DNM3: variants seen among roughly 807,000 people sequenced by gnomAD.
The protein encoded by DNM3 is dynamin 3, also known as dynamin-3.
Under a neutral mutation model 101.6 loss-of-function variants are expected in DNM3, and 47 were observed. That is an observed-to-expected ratio of 0.46 (90% confidence interval 0.37 to 0.59). The LOEUF is 0.59. Among genes scored for constraint, DNM3 ranks in the 20% least tolerant of loss-of-function variants. The pLI, the probability that DNM3 is intolerant of heterozygous loss-of-function variation, is 0.00. For missense variants in DNM3, 849 were observed against 1,085.7 expected, an observed-to-expected ratio of 0.78 and a Z score of 3.06; for synonymous variants, 385 against 387.9, an observed-to-expected ratio of 0.99 and a Z score of 0.09.
intron 14 of DNM3, chr1:172,136,711 A>G (rs907759035): frequency 6.6e-6 from 1 of 152,100 alleles, no homozygotes; most frequent in African/African-American, 2.4e-5. Context: ...ATAAACCATA[A>G]TGGCCAATCC....
intron 15 of DNM3, among the ~76,000 whole-genome samples, chr1:172,280,804 G>C (rs182189702): frequency 6.6e-6 from 1 of 152,254 alleles, no homozygotes; most frequent in East Asian, 1.9e-4. Flanking sequence ...CCAGATTTTA[G>C]AAATACACAC....
At chr1:172,118,549 G>A (rs2056083084) in intron 13 of DNM3, among the ~76,000 whole-genome samples, 1 of 151,780 alleles carries the variant, frequency 6.6e-6, no homozygotes, top group Admixed American at 6.6e-5. Context: ...GTTTTGTTTT[G>A]TTTTTTCTTC....
intron 13 of DNM3, among the ~76,000 whole-genome samples, chr1:172,100,908 G>C (rs2054597235): frequency 1.3e-5 from 2 of 152,166 alleles, no homozygotes; most frequent in African/African-American, 4.8e-5. Context: ...GCAGAAATAA[G>C]AGTCTTTCTC....
At chr1:172,092,547 G>A (rs991940322) in intron 12 of DNM3, among the ~76,000 whole-genome samples, 3 of 152,158 alleles carry the variant, frequency 2.0e-5, no homozygotes, top group African/African-American at 7.2e-5. Context: ...GTGAGACACT[G>A]CAAATATGTC....
At chr1:172,240,634 A>G (rs1460509211) in intron 14 of DNM3, among the ~76,000 whole-genome samples, 1 of 152,142 alleles carries the variant, frequency 6.6e-6, no homozygotes, top group African/African-American at 2.4e-5. Context: ...ATTAATGTGC[A>G]CTCAAAAGCT....
intron 15 of DNM3, among the ~76,000 whole-genome samples, chr1:172,262,261 T>C (rs1180330683): frequency 6.6e-6 from 1 of 152,100 alleles, no homozygotes; most frequent in Non-Finnish European, 1.5e-5. Context: ...AAAGGTGTAG[T>C]TACCCCTCTG....
intron 1 of DNM3, among the ~76,000 whole-genome samples, chr1:171,898,921 G>A (rs543144264): frequency 6.6e-6 from 1 of 152,246 alleles, no homozygotes; most frequent in South Asian, 2.1e-4. Flanking sequence ...TCTACAGGAG[G>A]TTATGCATTT....
Position 172,411,963 on chromosome 1 carries a change from A to C in DNM3, c.*4122A>C, listed in dbSNP as rs1305573020. 2.0e-6 allele frequency: 2 copies of C among 985,674 alleles called. No homozygotes were observed. Among genetic ancestry groups the C allele is most frequent in the Admixed American group, 1.2e-4 (2 of 16,258 alleles). 61.1% of individuals were successfully genotyped at this position (985,674 alleles called of 1,614,324 possible). ...CTCTTACTCATCCTGTCTGGTTGCT[A>C]TGTTTAAAATTATGTGGTGCTGTGT... On this transcript the variant is annotated 3_prime_UTR_variant, in exon 21 of 21. Transcript: ENST00000627582.
chr1:172,243,752 T>G (rs1057097211), intron 14 of DNM3, among the ~76,000 whole-genome samples: 14 of 152,214 alleles, frequency 9.2e-5, no homozygotes, highest in African/African-American at 2.9e-4. Flanking sequence ...TCACAGATGC[T>G]CTTTACTATT....
chr1:172,156,411 A>C (rs1187274349), intron 14 of DNM3, among the ~76,000 whole-genome samples: 4 of 152,018 alleles, frequency 2.6e-5, no homozygotes, highest in African/African-American at 9.7e-5. Context: ...GGTGCCTGCA[A>C]TTTATATTTT....
At chr1:171,895,786 T>A (rs934438930) in intron 1 of DNM3, among the ~76,000 whole-genome samples, 1 of 152,206 alleles carries the variant, frequency 6.6e-6, no homozygotes, top group African/African-American at 2.4e-5. Context: ...AACATTTAAG[T>A]CTTTAATCCA....
At chr1:172,072,580 C>T (rs936427191) in intron 11 of DNM3, among the ~76,000 whole-genome samples, 1 of 152,142 alleles carries the variant, frequency 6.6e-6, no homozygotes, top group Non-Finnish European at 1.5e-5. Flanking sequence ...GAGAATAAAT[C>T]ACTCCCTGGA....
chr1:171,951,149 G>GCACT (rs1468646934), intron 2 of DNM3, among the ~76,000 whole-genome samples: 1 of 152,134 alleles, frequency 6.6e-6, no homozygotes, highest in Non-Finnish European at 1.5e-5. Context: ...TATTTGTTCA[G>GCACT]TACTTACTTC....
intron 1 of DNM3, among the ~76,000 whole-genome samples, chr1:171,911,770 C>T (rs976392082): frequency 6.6e-6 from 1 of 152,106 alleles, no homozygotes; most frequent in Non-Finnish European, 1.5e-5. Flanking sequence ...TTGACGTGAG[C>T]TGTCTAGACC....
chr1:172,007,488 C>T (rs2046775534), intron 4 of DNM3, among the ~76,000 whole-genome samples: 1 of 152,006 alleles, frequency 6.6e-6, no homozygotes, highest in African/African-American at 2.4e-5. Flanking sequence ...GAGTTGTGTT[C>T]GTCTTCTTAG....
intron 20 of DNM3, among the ~76,000 whole-genome samples, chr1:172,399,070 C>G (rs1194939310): frequency 2.0e-5 from 3 of 152,196 alleles, no homozygotes; most frequent in African/African-American, 7.2e-5. Context: ...ATATACTCCT[C>G]ACTGTTCCTG....
At chr1:171,901,545 T>C (rs146464593) in intron 1 of DNM3, among the ~76,000 whole-genome samples, 82 of 152,214 alleles carry the variant, frequency 5.4e-4, no homozygotes, top group African/African-American at 1.8e-3. Flanking sequence ...GGAGAAGTGG[T>C]AGTCAATATG....
intron 10 of DNM3, among the ~76,000 whole-genome samples, chr1:172,067,286 A>G (rs747040144): frequency 1.3e-5 from 2 of 152,162 alleles, no homozygotes; most frequent in Non-Finnish European, 2.9e-5. Context: ...CAAGCACTTT[A>G]AAAATCATCA....
At chr1:172,122,840 T>A (rs1332594844) in intron 13 of DNM3, among the ~76,000 whole-genome samples, 3 of 152,200 alleles carry the variant, frequency 2.0e-5, no homozygotes, top group African/African-American at 7.2e-5. Flanking sequence ...ACCTGTTTAT[T>A]ACAAACATGG....
Sources: gnomAD v4.1 joint callset for allele counts (sites outside exome capture counted in the v4.1 genomes callset) on GRCh38, gnomAD v4.1.1 for gene constraint, MANE v1.5 for transcripts, NCBI Gene and HGNC (gene_info 2026-07-23, HGNC 2026-07-21) for gene names.